HNF1B: variants seen among roughly 807,000 people sequenced by gnomAD.
HNF1B encodes hepatocyte nuclear factor 1-beta.
In HNF1B, 8 loss-of-function variants were observed where a neutral mutation model predicts 61.7. The observed-to-expected ratio is 0.13, with a 90% CI of 0.08 to 0.23. The LOEUF is 0.23. HNF1B is among the 10% of genes least tolerant of loss of function. The pLI, the probability that HNF1B is intolerant of heterozygous loss-of-function variation, is 1.00. For synonymous variants in HNF1B, 314 were observed against 287.7 expected (o/e 1.09, Z -0.93); for missense variants, 562 against 714.5 (o/e 0.79, Z 2.43).
Position 37,742,643 on chromosome 17 carries a change from T to C in HNF1B, c.344+1898A>G, listed in dbSNP as rs538169549. 1.3e-3 allele frequency among the ~76,000 whole-genome samples: 190 copies of C among 151,622 alleles called. 1 individual carries two copies. The highest frequency in any genetic ancestry group is 4.5e-3 in the African/African-American group (186 of 41,356). On this transcript the variant is annotated intron_variant, in intron 1 of 8. Coordinates refer to ENST00000617811, the MANE Select transcript of HNF1B (RefSeq NM_000458.4). ...TCCCGCGTCTCCAACTCGGCGAGGG[T>C]CTCCGGCTCCCCAGTCCCTCTCCCT...
intron 1 of HNF1B, among the ~76,000 whole-genome samples, chr17:37,742,921 C>T (rs567730564): frequency 6.6e-6 from 1 of 151,912 alleles, no homozygotes; most frequent in South Asian, 2.1e-4. Flanking sequence ...CTCCTTCCCC[C>T]CTCTAAGCCG....
intron 7 of HNF1B, among the ~76,000 whole-genome samples, chr17:37,699,638 C>T (rs1343768140): frequency 3.3e-5 from 5 of 152,156 alleles, no homozygotes; most frequent in Non-Finnish European, 7.4e-5. Flanking sequence ...ACCCAGGCCT[C>T]GCCACTGAGG....
At chr17:37,692,692 GCTTTGACAGGCCCT>G (rs1311717518) in intron 8 of HNF1B, among the ~76,000 whole-genome samples, 4 of 152,204 alleles carry the variant, frequency 2.6e-5, no homozygotes, top group Non-Finnish European at 5.9e-5. Context: ...GGGTATGGGT[GCTTTGACAGGCCCT>G]GAACTATTTG....
intron 4 of HNF1B, chr17:37,731,321 A>G (rs905120172): frequency 7.3e-5 from 43 of 588,394 alleles, no homozygotes; most frequent in Middle Eastern, 3.8e-4. Flanking sequence ...GTCAGCAGCC[A>G]CACAGGGAGA....
intron 4 of HNF1B, among the ~76,000 whole-genome samples, chr17:37,719,211 T>C (rs921173083): frequency 7.9e-5 from 12 of 152,290 alleles, no homozygotes; most frequent in African/African-American, 2.9e-4. Flanking sequence ...GTAGTCCTTC[T>C]GCTTTGGCCT....
chr17:37,742,925 T>C lies in HNF1B; in HGVS notation c.344+1616A>G, dbSNP rs536831154. ...CGCGTTTTGATCTCCTTCCCCCCTC[T>C]AAGCCGCGTTTACAACTTCACCAAT... On this transcript the variant is annotated intron_variant, in intron 1 of 8. Transcript: ENST00000617811. Among the ~76,000 whole-genome samples the C allele has an allele frequency of 5.1e-3, 768 of 151,920 alleles. 2 individuals carry two copies. Among genetic ancestry groups the C allele is most frequent in the South Asian group, 0.011 (51 of 4,820 alleles).
At chr17:37,692,849 C>T (rs2032251216) in intron 8 of HNF1B, among the ~76,000 whole-genome samples, 1 of 152,088 alleles carries the variant, frequency 6.6e-6, no homozygotes, top group Non-Finnish European at 1.5e-5. Context: ...ATTTTCTTCT[C>T]CCAGCCTCCT....
intron 4 of HNF1B, among the ~76,000 whole-genome samples, chr17:37,713,947 C>CA (rs1442278930): frequency 6.6e-6 from 1 of 152,194 alleles, no homozygotes; most frequent in Non-Finnish European, 1.5e-5. Context: ...AAGGAGAGGC[C>CA]AGTCCTCCTA....
chr17:37,694,451 C>CCCCCCCCCCA (rs1568633699), intron 8 of HNF1B, among the ~76,000 whole-genome samples: 1 of 79,732 alleles, frequency 1.3e-5, no homozygotes, highest in African/African-American at 3.9e-5. Context: ...CCCCCCCCCC[C>CCCCCCCCCCA]CCGCAAAAAA....
intron 4 of HNF1B, among the ~76,000 whole-genome samples, chr17:37,711,047 G>C (rs1598815623): frequency 6.6e-6 from 1 of 152,242 alleles, no homozygotes; most frequent in East Asian, 1.9e-4. Context: ...TTCTGTTACT[G>C]GCTGGAGTAT....
chr17:37,741,316 A>G (rs2033985918), intron 1 of HNF1B, among the ~76,000 whole-genome samples: 1 of 152,242 alleles, frequency 6.6e-6, no homozygotes, highest in Non-Finnish European at 1.5e-5. Flanking sequence ...CTTTGATATT[A>G]AACTCGTGAG....
rs1252021904 is a variant in HNF1B, at chr17:37,710,510, C to G, written c.1199G>C (p.Gly400Ala). The G allele has an allele frequency of 1.4e-5, 22 of 1,614,186 alleles. No homozygotes were observed. Among genetic ancestry groups the G allele is most frequent in the Non-Finnish European group, 1.9e-5 (22 of 1,180,026 alleles). The change falls in exon 5 of 9, where the codon GGT (glycine) becomes GCT (alanine). Residue 400 changes from glycine to alanine, a missense_variant. Gly to Ala is a moderately conservative substitution (Grantham distance 60, BLOSUM62 0). This residue lies in a region of HNF1B where 211 missense variants were observed against 200.7 expected (regional missense o/e 1.05). Transcript: ENST00000617811. ...TGGCCCAGGTGTACTCACCATTTTA[C>G]CATCAGGTGAGAGGAGATTGTGGCC... ...DPGHNLLSPDGKMISVSGGGL... is the reference protein window; with the variant it reads ...DPGHNLLSPDAKMISVSGGGL...
At chr17:37,703,787 T>C (rs2032649398) in intron 6 of HNF1B, among the ~76,000 whole-genome samples, 1 of 152,170 alleles carries the variant, frequency 6.6e-6, no homozygotes, top group Admixed American at 6.5e-5. Flanking sequence ...ACATATTCAA[T>C]AAATTTGTGT....
intron 8 of HNF1B, among the ~76,000 whole-genome samples, 163 bp downstream of exon 8, chr17:37,698,911 CTT>C (rs11350722): frequency 3.3e-5 from 5 of 150,162 alleles, no homozygotes; most frequent in South Asian, 2.1e-4. Flanking sequence ...GCCTGTGGCC[CTT>C]TTTTTTTTGC....
At chr17:37,724,676 T>C (rs763443892) in intron 4 of HNF1B, among the ~76,000 whole-genome samples, 2 of 152,218 alleles carry the variant, frequency 1.3e-5, no homozygotes, top group Non-Finnish European at 2.9e-5. Flanking sequence ...TTCACTTCCA[T>C]GTCTATGGTC....
At chr17:37,713,559 G>A (rs1034873651) in intron 4 of HNF1B, among the ~76,000 whole-genome samples, 5 of 152,200 alleles carry the variant, frequency 3.3e-5, no homozygotes, top group Non-Finnish European at 7.3e-5. Flanking sequence ...AAAGACAGAT[G>A]AGCCTAGACC....
intron 8 of HNF1B, among the ~76,000 whole-genome samples, chr17:37,696,711 G>C (rs148478919): frequency 6.6e-6 from 1 of 152,154 alleles, no homozygotes; most frequent in Non-Finnish European, 1.5e-5. Context: ...ATCTGAACAC[G>C]CCAGAAATGA....
chr17:37,713,316 A>G (rs981023838), intron 4 of HNF1B, among the ~76,000 whole-genome samples: 7 of 152,242 alleles, frequency 4.6e-5, no homozygotes, highest in African/African-American at 1.7e-4. Context: ...ATGGGTCACA[A>G]GGAGGCTTCT....
chr17:37,743,508 G>A (rs2034066177), intron 1 of HNF1B, among the ~76,000 whole-genome samples: 1 of 152,262 alleles, frequency 6.6e-6, no homozygotes, highest in Admixed American at 6.5e-5. Flanking sequence ...AAATTCAAAT[G>A]CAAGGTCATA....
Sources: gnomAD v4.1 joint callset for allele counts (sites outside exome capture counted in the v4.1 genomes callset) on GRCh38, gnomAD v4.1.1 for gene constraint, gnomAD v4.1.1 regional missense constraint, MANE v1.5 for transcripts, NCBI Gene and HGNC (gene_info 2026-07-23, HGNC 2026-07-21) for gene names.